GRIN2A: variants seen among roughly 807,000 people sequenced by gnomAD.
GRIN2A encodes glutamate receptor ionotropic, NMDA 2A.
In GRIN2A, 22 loss-of-function variants were observed where a neutral mutation model predicts 113.4. The ratio of observed to expected loss-of-function variants is 0.19; its 90% CI spans 0.14 to 0.28. The LOEUF is 0.28. GRIN2A is among the 10% of genes least tolerant of loss of function. The pLI, the probability that GRIN2A is intolerant of heterozygous loss-of-function variation, is 1.00. For synonymous variants in GRIN2A, 827 were observed against 738.4 expected (o/e 1.12, Z -1.94); for missense variants, 1,502 against 1,887.0 (o/e 0.80, Z 3.78).
intron 2 of GRIN2A, among the ~76,000 whole-genome samples, chr16:10,024,387 T>C (rs924285019): frequency 2.6e-5 from 4 of 152,208 alleles, no homozygotes; most frequent in Non-Finnish European, 4.4e-5. Context: ...CACACCCAGC[T>C]AATTTTATTT....
At chr16:9,996,024 CAAAAAAAAAAAAAAAAAA>C (rs57133009) in intron 2 of GRIN2A, among the ~76,000 whole-genome samples, 1 of 51,112 alleles carries the variant, frequency 2.0e-5, no homozygotes, top group Non-Finnish European at 3.3e-5. Context: ...CAGAGGGTGG[CAAAAAAAAAAAAAAAAAA>C]AAAAAAAAAA....
At chr16:9,781,854 A>G (rs1373653399) in intron 11 of GRIN2A, among the ~76,000 whole-genome samples, 1 of 152,224 alleles carries the variant, frequency 6.6e-6, no homozygotes, top group Non-Finnish European at 1.5e-5. Context: ...CATTTGGAAA[A>G]TAATGTAATG....
chr16:9,869,585 T>C (rs2043220406), intron 4 of GRIN2A, among the ~76,000 whole-genome samples: 1 of 152,220 alleles, frequency 6.6e-6, no homozygotes, highest in Non-Finnish European at 1.5e-5. Context: ...CATCTGGACC[T>C]GAATTCCCAG....
chr16:9,978,566 T>C (rs2045821968), intron 2 of GRIN2A, among the ~76,000 whole-genome samples: 1 of 152,072 alleles, frequency 6.6e-6, no homozygotes, highest in Non-Finnish European at 1.5e-5. Context: ...ATCCTCCTCT[T>C]ACTCCTCCTT....
Position 9,762,477 on chromosome 16 carries a change from G to C in GRIN2A, c.*672C>G, listed in dbSNP as rs1342087594. The C allele has an allele frequency of 4.5e-6, 1 of 222,226 alleles. No individual in the cohort carries two copies. The highest frequency in any genetic ancestry group is 6.6e-5 in the East Asian group (1 of 15,168). 13.8% of individuals were successfully genotyped at this position (222,226 alleles called of 1,614,324 possible). A position where few individuals can be genotyped will look rare whatever the true frequency, so the allele number is the denominator to read the frequency against. On this transcript the variant is annotated 3_prime_UTR_variant, in exon 13 of 13. Coordinates refer to ENST00000330684, the MANE Select transcript of GRIN2A (RefSeq NM_001134407.3). ...CACCTGAGGGTCCCTCGGGCCTTTG[G>C]CTCCAGATGTGTCTTGGAAATGAAC...
At chr16:9,845,161 G>A (rs1352231876) in intron 5 of GRIN2A, among the ~76,000 whole-genome samples, 1 of 151,956 alleles carries the variant, frequency 6.6e-6, no homozygotes, top group Admixed American at 6.6e-5. Flanking sequence ...ATCCCCAAGC[G>A]GAAGAAGGAA....
chr16:10,158,272 T>A (rs1040650127), intron 2 of GRIN2A, among the ~76,000 whole-genome samples: 32 of 152,330 alleles, frequency 2.1e-4, no homozygotes, highest in African/African-American at 7.0e-4. Context: ...CCCAAAGTGC[T>A]AGGATTACAG....
At chr16:10,072,236 G>T (rs932021612) in intron 2 of GRIN2A, among the ~76,000 whole-genome samples, 1 of 152,168 alleles carries the variant, frequency 6.6e-6, no homozygotes, top group Non-Finnish European at 1.5e-5. Flanking sequence ...GAAATTGGAG[G>T]TACGTGCACA....
At chr16:9,855,041 A>G (rs889591542) in intron 4 of GRIN2A, among the ~76,000 whole-genome samples, 1 of 151,950 alleles carries the variant, frequency 6.6e-6, no homozygotes, top group Admixed American at 6.6e-5. Context: ...ATACATGTAC[A>G]TGTATATGCA....
chr16:9,823,368 T>A (rs1215465462), intron 9 of GRIN2A, among the ~76,000 whole-genome samples: 1 of 152,216 alleles, frequency 6.6e-6, no homozygotes, highest in African/African-American at 2.4e-5. Context: ...ATTCACTTCA[T>A]GCTGCCTCCA....
chr16:9,918,076 A>G (rs952909081), intron 3 of GRIN2A, among the ~76,000 whole-genome samples: 5 of 152,210 alleles, frequency 3.3e-5, no homozygotes, highest in Admixed American at 2.0e-4. Flanking sequence ...AATGTTTTAC[A>G]TGCTTTATTT....
At chr16:9,775,505 G>T (rs1415161919) in intron 11 of GRIN2A, among the ~76,000 whole-genome samples, 2 of 152,198 alleles carry the variant, frequency 1.3e-5, no homozygotes, top group African/African-American at 4.8e-5. Context: ...CTGTGAGAGA[G>T]ACAGTCATGA....
At chr16:10,073,024 C>T (rs1016303839) in intron 2 of GRIN2A, among the ~76,000 whole-genome samples, 5 of 145,888 alleles carry the variant, frequency 3.4e-5, no homozygotes, top group South Asian at 2.2e-4. Context: ...GGCCCAAGCT[C>T]GGCTTACTGC....
At chr16:10,119,345 C>G (rs1041129103) in intron 2 of GRIN2A, among the ~76,000 whole-genome samples, 2 of 144,942 alleles carry the variant, frequency 1.4e-5, no homozygotes, top group African/African-American at 5.1e-5. Context: ...TGCTGTTACT[C>G]AAAGCCAAGA....
intron 2 of GRIN2A, among the ~76,000 whole-genome samples, chr16:10,009,748 GAA>G (rs35214802): frequency 1.4e-4 from 21 of 146,166 alleles, no homozygotes; most frequent in Non-Finnish European, 2.0e-4. Flanking sequence ...AAATGAGAAA[GAA>G]AAAAAAAAAA....
chr16:10,038,600 T>C (rs1000175113), intron 2 of GRIN2A, among the ~76,000 whole-genome samples: 1 of 151,696 alleles, frequency 6.6e-6, no homozygotes, highest in African/African-American at 2.4e-5. Flanking sequence ...TCCCAGCACT[T>C]TGGGAGGCCG....
chr16:10,151,203 G>T (rs1041390456), intron 2 of GRIN2A, among the ~76,000 whole-genome samples: 1 of 152,224 alleles, frequency 6.6e-6, no homozygotes, highest in Non-Finnish European at 1.5e-5. Flanking sequence ...CATGCAAGCT[G>T]TGTCCAACAG....
rs532316934 is a variant in GRIN2A, at chr16:9,757,136, A to C, written c.*6013T>G. 3.7e-5 allele frequency: 8 copies of C among 216,534 alleles called. No homozygotes were observed. Among genetic ancestry groups the C allele is most frequent in the African/African-American group, 1.6e-4 (7 of 44,566 alleles). The allele number at this position is 216,534 out of a possible 1,614,324, so 13.4% of individuals were successfully genotyped here. ...TCAACCTTTTCTTGAGGCACATGTCATAATGCAAGGCTGGGAGGAGGCATG... is the reference window on the plus strand; with the variant it reads ...TCAACCTTTTCTTGAGGCACATGTCCTAATGCAAGGCTGGGAGGAGGCATG... On this transcript the variant is annotated 3_prime_UTR_variant, in exon 13 of 13. Transcript: ENST00000330684.
rs530903566 is a variant in GRIN2A, at chr16:9,843,034, T to TAGAA, written c.1329-1934_1329-1931dup. On this transcript the variant is annotated intron_variant, in intron 5 of 12. Coordinates refer to ENST00000330684, the MANE Select transcript of GRIN2A (RefSeq NM_001134407.3). ...GAGAAAAAGGGGGGAGAGGGAGAGA[T>TAGAA]AGAAAGAAAGAAAGAGAGAGAGAGA... Among the ~76,000 whole-genome samples the TAGAA allele has an allele frequency of 2.1e-3, 205 of 95,506 alleles. 1 individual carries two copies. The highest frequency in any genetic ancestry group is 0.016 in the Admixed American group (139 of 8,542). 62.7% of individuals were successfully genotyped at this position (95,506 alleles called of 152,430 possible).
Sources: gnomAD v4.1 joint callset for allele counts (sites outside exome capture counted in the v4.1 genomes callset) on GRCh38, gnomAD v4.1.1 for gene constraint, MANE v1.5 for transcripts, NCBI Gene and HGNC (gene_info 2026-07-23, HGNC 2026-07-21) for gene names.